NBPF8: variants seen among roughly 807,000 people sequenced by gnomAD.
The protein encoded by NBPF8 is NBPF family member NBPF8.
exon 1 of NBPF8, chr1:120,436,615 C>A: frequency 3.7e-6 from 6 of 1,602,100 alleles, no homozygotes; most frequent in Non-Finnish European, 5.1e-6. Context: ...TGGCAGAGAA[C>A]AAACAGCAGT....
chr1:120,445,764 TG>T, intron 7 of NBPF8: 2 of 275,378 alleles, frequency 7.3e-6, no homozygotes, highest in Non-Finnish European at 1.3e-5. Flanking sequence ...AAATCTCTGT[TG>T]CAATATTTGA....
exon 25 of NBPF8, chr1:120,466,143 C>G: frequency 1.2e-6 from 2 of 1,610,378 alleles, no homozygotes; most frequent in South Asian, 1.1e-5. Context: ...TTGCCCTTGA[C>G]ATGGACAATA....
chr1:120,465,624 A>G (rs1661719102), intron 24 of NBPF8, among the ~76,000 whole-genome samples: 1 of 147,936 alleles, frequency 6.8e-6, no homozygotes, highest in South Asian at 2.1e-4. Context: ...AATTTTGAGC[A>G]TATTTTATGG....
intron 1 of NBPF8, among the ~76,000 whole-genome samples, chr1:120,424,640 G>T (rs1360101724): frequency 1.3e-5 from 2 of 150,920 alleles, no homozygotes; most frequent in African/African-American, 4.9e-5. Flanking sequence ...TAGAGACAGG[G>T]TTTCTTCATG....
intron 3 of NBPF8, among the ~76,000 whole-genome samples, chr1:120,428,612 C>G (rs1297175697): frequency 2.6e-5 from 4 of 152,196 alleles, no homozygotes; most frequent in Non-Finnish European, 5.9e-5. Flanking sequence ...ATGGCTGAGG[C>G]TTGTGGGCTA....
upstream of NBPF8, among the ~76,000 whole-genome samples, chr1:120,417,799 A>G (rs1347018900): frequency 2.1e-5 from 3 of 145,592 alleles, no homozygotes; most frequent in African/African-American, 7.8e-5. Context: ...TGGGGATTCA[A>G]CATGTTTCCC....
chr1:120,428,433 G>A (rs1377361852), intron 3 of NBPF8, among the ~76,000 whole-genome samples: 1 of 152,046 alleles, frequency 6.6e-6, no homozygotes, highest in African/African-American at 2.4e-5. Context: ...AACCTACAGG[G>A]GAGATAGTGG....
At chr1:120,464,173 G>C (rs1570946603) in intron 22 of NBPF8, among the ~76,000 whole-genome samples, 4 of 112,884 alleles carry the variant, frequency 3.5e-5, no homozygotes, top group East Asian at 2.8e-4. Flanking sequence ...GTGTGTGTGT[G>C]TGTGTCTGTC....
intron 3 of NBPF8, among the ~76,000 whole-genome samples, chr1:120,430,615 G>A (rs1347410450): frequency 0.018 from 2,638 of 143,086 alleles, 1 homozygote; most frequent in African/African-American, 0.069. Context: ...TTAGCTAGGC[G>A]TGGTGGCATG....
intron 12 of NBPF8, 108 bp from the exon 11 acceptor site, chr1:120,452,009 T>C (rs1661288457): frequency 4.0e-6 from 5 of 1,234,878 alleles, no homozygotes. Context: ...GCTGACCTTC[T>C]GTTTCAAGGT....
chr1:120,436,436 T>C lies in NBPF8; in HGVS notation n.84T>C, dbSNP rs1355150722. 407 of 1,200,896 alleles carry C rather than the reference T, an allele frequency of 3.4e-4. No individual in the cohort carries two copies. The African/African-American group carries it at 5.5e-3, about 16-fold the overall frequency. The allele number at this position is 1,200,896 out of a possible 1,614,324, so 74.4% of individuals were successfully genotyped here. A position where few individuals can be genotyped will look rare whatever the true frequency, so the allele number is the denominator to read the frequency against. On this transcript the variant is annotated non_coding_transcript_exon_variant, in exon 1 of 25. Coordinates refer to ENST00000583271, the Ensembl canonical transcript of NBPF8. ...CATCCCTCAGTCCTGATTAAACCTATTTGATTTCACCAGTTTTTAACCCAT... is the reference window on the plus strand; with the variant it reads ...CATCCCTCAGTCCTGATTAAACCTACTTGATTTCACCAGTTTTTAACCCAT...
At chr1:120,463,029 C>A (rs1437539607) in intron 21 of NBPF8, 63 bp downstream of exon 19, 54 of 615,356 alleles carry the variant, frequency 8.8e-5, no homozygotes, top group Middle Eastern at 4.4e-4. Context: ...GGTGATATTC[C>A]TGTTCCAAGT....
chr1:120,415,257 T>G (rs1482893379), upstream of NBPF8, among the ~76,000 whole-genome samples: 1 of 152,058 alleles, frequency 6.6e-6, no homozygotes, highest in African/African-American at 2.4e-5. Flanking sequence ...TACAGCGAAG[T>G]CCACCCAGCG....
upstream of NBPF8, among the ~76,000 whole-genome samples, chr1:120,416,075 T>C (rs1439127262): frequency 2.6e-5 from 4 of 152,222 alleles, no homozygotes; most frequent in African/African-American, 9.7e-5. Flanking sequence ...GCCGAAAGAA[T>C]GAATCCCAGT....
downstream of NBPF8, among the ~76,000 whole-genome samples, chr1:120,468,651 T>C (rs1352512652): frequency 0.45 from 60,131 of 133,170 alleles, 14,927 homozygotes; most frequent in African/African-American, 0.65. Context: ...CATCTCCCAG[T>C]AATTCTGCAT....
At chr1:120,466,000 G>T (rs1486732428) in exon 25 of NBPF8, 2 of 1,611,762 alleles carry the variant, frequency 1.2e-6, no homozygotes, top group Admixed American at 3.3e-5. Flanking sequence ...GCTGATGGAA[G>T]TGGAAGAGCC....
intron 18 of NBPF8, among the ~76,000 whole-genome samples, chr1:120,460,952 C>A (rs1661568493): frequency 6.6e-6 from 1 of 151,468 alleles, no homozygotes; most frequent in Non-Finnish European, 1.5e-5. Flanking sequence ...CCTGAGAGCA[C>A]AAATACAGAG....
chr1:120,469,524 A>C (rs1661858314), downstream of NBPF8, among the ~76,000 whole-genome samples: 1 of 150,928 alleles, frequency 6.6e-6, no homozygotes, highest in Non-Finnish European at 1.5e-5. Flanking sequence ...GCCCTTTGTC[A>C]TATTGGTGAT....
At chr1:120,415,443 G>T (rs1660405791), upstream of NBPF8, among the ~76,000 whole-genome samples, 1 of 152,176 alleles carries the variant, frequency 6.6e-6, no homozygotes, top group South Asian at 2.1e-4. Flanking sequence ...AGTTCCATGC[G>T]TTCGATTCCT....
Sources: gnomAD v4.1 joint callset for allele counts (sites outside exome capture counted in the v4.1 genomes callset) on GRCh38, gnomAD v4.1.1 for gene constraint, MANE v1.5 for transcripts, NCBI Gene and HGNC (gene_info 2026-07-23, HGNC 2026-07-21) for gene names.